The following IL23R variants were observed in gnomAD, a reference collection of about 807,000 sequenced individuals.
IL23R encodes the protein interleukin-23 receptor.
In IL23R, 34 loss-of-function variants were observed where a neutral mutation model predicts 56.9. That is an observed-to-expected ratio of 0.60 (90% CI 0.45 to 0.80). IL23R has a LOEUF of 0.80. IL23R is among the 30% of genes least tolerant of loss of function. IL23R has a pLI of 0.00. For synonymous variants in IL23R, 230 were observed against 249.2 expected (o/e 0.92, Z 0.73); for missense variants, 635 against 730.0 (o/e 0.87, Z 1.50).
chr1:67,203,407 C>G (rs1348651336), intron 5 of IL23R, among the ~76,000 whole-genome samples: 14 of 152,156 alleles, frequency 9.2e-5, no homozygotes, highest in Admixed American at 9.2e-4. Flanking sequence ...CCTCTACTTC[C>G]AGACTGACTT....
chr1:67,199,446 A>G (rs1395872933), intron 4 of IL23R, among the ~76,000 whole-genome samples: 2 of 152,190 alleles, frequency 1.3e-5, no homozygotes, highest in Non-Finnish European at 2.9e-5. Flanking sequence ...ACCAAAATGC[A>G]GTGCTCTTTT....
At chr1:67,216,304 C>T (rs1038895600) in intron 6 of IL23R, among the ~76,000 whole-genome samples, 3 of 152,114 alleles carry the variant, frequency 2.0e-5, no homozygotes, top group African/African-American at 7.2e-5. Flanking sequence ...ATGTCAAGTT[C>T]ATGTGGATAA....
chr1:67,169,736 G>A, intron 3 of IL23R, 98 bp downstream of exon 3: 1 of 1,171,368 alleles, frequency 8.5e-7, no homozygotes, highest in Non-Finnish European at 1.3e-6. Context: ...AAATAATATA[G>A]TTCAGTTTTT....
intron 1 of IL23R, among the ~76,000 whole-genome samples, chr1:67,148,228 C>T (rs111753838): frequency 1.6e-4 from 24 of 152,378 alleles, no homozygotes; most frequent in African/African-American, 5.3e-4. Context: ...TCTGCGACAA[C>T]GGCAATCAGC....
chr1:67,183,999 T>C (rs1010144079), intron 4 of IL23R, among the ~76,000 whole-genome samples: 1 of 152,186 alleles, frequency 6.6e-6, no homozygotes, highest in African/African-American at 2.4e-5. Context: ...TTTGGGAGAC[T>C]GAGGCTGGTG....
chr1:67,219,847 C>A, intron 7 of IL23R, 117 bp downstream of exon 7: 1 of 987,506 alleles, frequency 1.0e-6, no homozygotes, highest in Non-Finnish European at 1.6e-6. Flanking sequence ...AGGAAGATTG[C>A]TTGAGCCTAG....
intron 4 of IL23R, among the ~76,000 whole-genome samples, chr1:67,189,009 A>C (rs1570811470): frequency 6.6e-6 from 1 of 152,122 alleles, no homozygotes; most frequent in Non-Finnish European, 1.5e-5. Context: ...TATTAATGTA[A>C]AGCCATAAAA....
chr1:67,194,478 T>G (rs1166212528), intron 4 of IL23R, among the ~76,000 whole-genome samples: 1 of 152,352 alleles, frequency 6.6e-6, no homozygotes, highest in Non-Finnish European at 1.5e-5. Flanking sequence ...TTTCTTATTA[T>G]GTCACAATAT....
intron 4 of IL23R, among the ~76,000 whole-genome samples, chr1:67,183,289 C>A (rs1647183294): frequency 6.6e-6 from 1 of 152,244 alleles, no homozygotes; most frequent in Admixed American, 6.5e-5. Context: ...TAATCCCACA[C>A]TTTGGGAGGC....
At chr1:67,250,572 C>CA (rs918346718) in intron 9 of IL23R, among the ~76,000 whole-genome samples, 48 of 152,282 alleles carry the variant, frequency 3.2e-4, no homozygotes, top group African/African-American at 1.1e-3. Context: ...CTAATTTAGA[C>CA]AAAATGTCTT....
At chr1:67,261,860 G>A (rs530215512), downstream of IL23R, among the ~76,000 whole-genome samples, 12 of 152,322 alleles carry the variant, frequency 7.9e-5, no homozygotes, top group African/African-American at 2.9e-4. Flanking sequence ...ACTGCAGCGA[G>A]TGCCTCCTTT....
intron 1 of IL23R, among the ~76,000 whole-genome samples, chr1:67,155,656 C>A (rs1281593176): frequency 6.6e-6 from 1 of 152,134 alleles, no homozygotes; most frequent in African/African-American, 2.4e-5. Flanking sequence ...CATTTATGTT[C>A]CTCTCTAAAC....
In IL23R at chr1:67,181,980, T is replaced by C. The variant is rs543608383; in HGVS notation, c.368-856T>C. On this transcript the variant is annotated intron_variant, in intron 3 of 10. Transcript: ENST00000347310. ...TGAACAGCAAATGTTGCTGCCTGATTGTTCCTCTGGAAGTTTTGTCTCAGA... is the reference window on the plus strand; with the variant it reads ...TGAACAGCAAATGTTGCTGCCTGATCGTTCCTCTGGAAGTTTTGTCTCAGA... 2.7e-4 allele frequency among the ~76,000 whole-genome samples: 41 copies of C among 152,248 alleles called. 1 individual carries two copies. The South Asian group carries it at 8.5e-3, about 32-fold the overall frequency.
chr1:67,216,044 G>A (rs779630802), intron 6 of IL23R, among the ~76,000 whole-genome samples: 7 of 152,116 alleles, frequency 4.6e-5, no homozygotes, highest in Non-Finnish European at 2.9e-5. Context: ...ATGAAAGTCA[G>A]ACCTATATTT....
chr1:67,226,195 C>T (rs1189356751), intron 7 of IL23R, among the ~76,000 whole-genome samples: 1 of 152,220 alleles, frequency 6.6e-6, no homozygotes, highest in Non-Finnish European at 1.5e-5. Context: ...ACTCCCAAAG[C>T]CCAAGTGGGA....
At chr1:67,214,127 C>T (rs1230256640) in intron 6 of IL23R, among the ~76,000 whole-genome samples, 1 of 152,188 alleles carries the variant, frequency 6.6e-6, no homozygotes, top group African/African-American at 2.4e-5. Context: ...ACTATGATCC[C>T]ACCAGGGATA....
At chr1:67,154,670 G>C (rs1005157150) in intron 1 of IL23R, among the ~76,000 whole-genome samples, 8 of 151,242 alleles carry the variant, frequency 5.3e-5, no homozygotes, top group African/African-American at 1.7e-4. Flanking sequence ...CCTTTATTTT[G>C]AGCCAATGTG....
chr1:67,226,414 G>A (rs1434849024), intron 7 of IL23R, among the ~76,000 whole-genome samples: 1 of 152,126 alleles, frequency 6.6e-6, no homozygotes, highest in Admixed American at 6.5e-5. Context: ...GGATAGAGTG[G>A]GAGGATGATC....
chr1:67,242,074 A>G (rs1055237406), intron 9 of IL23R, among the ~76,000 whole-genome samples: 7 of 152,248 alleles, frequency 4.6e-5, no homozygotes, highest in Non-Finnish European at 2.9e-5. Context: ...AATCTGCTAT[A>G]GAACCTATCA....
Sources: allele counts gnomAD v4.1 joint callset (sites outside exome capture counted in the v4.1 genomes callset), GRCh38; gene constraint gnomAD v4.1.1; transcripts MANE v1.5; gene names NCBI Gene and HGNC (gene_info 2026-07-23, HGNC 2026-07-21).